Variants in KLHL1 observed in about 807,000 individuals in gnomAD.
The protein encoded by KLHL1 is kelch like family member 1, also known as kelch-like protein 1.
In KLHL1, 47 loss-of-function variants were observed where a neutral mutation model predicts 77.7. The ratio of observed to expected loss-of-function variants is 0.60; its 90% CI spans 0.48 to 0.77. The LOEUF is 0.77. Ranked by LOEUF, KLHL1 falls within the 30% of genes least tolerant of loss-of-function variation. The pLI is 0.00. For synonymous variants in KLHL1, 360 were observed against 325.2 expected (o/e 1.11, Z -1.15); for missense variants, 925 against 910.8 (o/e 1.02, Z -0.20).
intron 1 of KLHL1, among the ~76,000 whole-genome samples, chr13:70,060,568 G>A (rs976474112): frequency 2.6e-5 from 4 of 151,730 alleles, no homozygotes; most frequent in South Asian, 4.2e-4. Context: ...ATATAGGCCA[G>A]GTGCATGGCT....
intron 5 of KLHL1, among the ~76,000 whole-genome samples, chr13:69,862,075 C>T (rs1374821805): frequency 6.6e-6 from 1 of 151,704 alleles, no homozygotes; most frequent in East Asian, 1.9e-4. Context: ...TTTAGTTTTA[C>T]AAAGTACAAA....
At chr13:69,776,961 G>T (rs1360496530) in intron 7 of KLHL1, among the ~76,000 whole-genome samples, 4 of 151,934 alleles carry the variant, frequency 2.6e-5, no homozygotes, top group Non-Finnish European at 1.5e-5. Flanking sequence ...ATATAGTTTG[G>T]CTATGTCCCC....
At chr13:69,912,399 T>C (rs1206839210) in intron 4 of KLHL1, among the ~76,000 whole-genome samples, 3 of 152,014 alleles carry the variant, frequency 2.0e-5, no homozygotes, top group Non-Finnish European at 4.4e-5. Flanking sequence ...CAGAAAAAAA[T>C]TGTATTGTAT....
chr13:69,921,959 C>T (rs1375289879), intron 4 of KLHL1, among the ~76,000 whole-genome samples: 1 of 137,532 alleles, frequency 7.3e-6, no homozygotes, highest in Non-Finnish European at 1.5e-5. Flanking sequence ...GAGATGGTCT[C>T]ACTCTGTCAC....
intron 1 of KLHL1, among the ~76,000 whole-genome samples, chr13:70,016,923 G>A (rs1195141964): frequency 1.3e-5 from 2 of 152,088 alleles, no homozygotes; most frequent in Non-Finnish European, 2.9e-5. Context: ...AGACTCAGCT[G>A]GACTCACACA....
chr13:69,787,891 A>C (rs528024509), intron 7 of KLHL1, among the ~76,000 whole-genome samples: 58 of 152,356 alleles, frequency 3.8e-4, no homozygotes, highest in Admixed American at 1.6e-3. Flanking sequence ...ATGCAGCCAA[A>C]AAACACATGA....
At chr13:70,011,990 G>A (rs1885544445) in intron 1 of KLHL1, among the ~76,000 whole-genome samples, 1 of 152,142 alleles carries the variant, frequency 6.6e-6, no homozygotes, top group South Asian at 2.1e-4. Context: ...CAAAGAGAGA[G>A]AGCTTAATAA....
At chr13:69,703,178 G>T (rs1875474768) in intron 10 of KLHL1, among the ~76,000 whole-genome samples, 1 of 151,546 alleles carries the variant, frequency 6.6e-6, no homozygotes. Flanking sequence ...ATACAATGGT[G>T]GTCCCATAAG....
intron 4 of KLHL1, among the ~76,000 whole-genome samples, chr13:69,898,436 C>G (rs1881725175): frequency 6.6e-6 from 1 of 152,064 alleles, no homozygotes; most frequent in South Asian, 2.1e-4. Context: ...CTGTGTGGTG[C>G]ACAGGTGACA....
intron 5 of KLHL1, among the ~76,000 whole-genome samples, chr13:69,844,925 T>C (rs898136072): frequency 4.6e-5 from 7 of 151,582 alleles, no homozygotes; most frequent in Non-Finnish European, 1.0e-4. Flanking sequence ...TGTCAATTTA[T>C]GGTGAAAACT....
At chr13:70,016,198 A>T (rs1331804160) in intron 1 of KLHL1, among the ~76,000 whole-genome samples, 1 of 152,246 alleles carries the variant, frequency 6.6e-6, no homozygotes, top group Non-Finnish European at 1.5e-5. Context: ...ATAGTTCTCC[A>T]ATTTAACCTA....
chr13:69,738,220 C>T (rs1873844065), intron 8 of KLHL1, among the ~76,000 whole-genome samples: 1 of 152,050 alleles, frequency 6.6e-6, no homozygotes, highest in Non-Finnish European at 1.5e-5. Context: ...GAAAAAGACC[C>T]CATAAAAACC....
At chr13:69,982,846 C>T (rs1314694160) in intron 1 of KLHL1, among the ~76,000 whole-genome samples, 2 of 151,936 alleles carry the variant, frequency 1.3e-5, no homozygotes, top group African/African-American at 2.4e-5. Context: ...TAAAAGTTTT[C>T]ATATGGGAAA....
intron 1 of KLHL1, among the ~76,000 whole-genome samples, chr13:69,985,193 C>G (rs746193759): frequency 6.6e-6 from 1 of 151,868 alleles, no homozygotes; most frequent in Non-Finnish European, 1.5e-5. Context: ...GACAGCTTAC[C>G]GTGTGGGAGA....
chr13:69,880,183 T>C (rs1043769464), intron 5 of KLHL1, among the ~76,000 whole-genome samples: 2 of 152,170 alleles, frequency 1.3e-5, no homozygotes, highest in South Asian at 2.1e-4. Context: ...ACTTAACCTC[T>C]TTGAGCCTAA....
intron 7 of KLHL1, among the ~76,000 whole-genome samples, chr13:69,774,262 CA>C (rs1447628415): frequency 6.6e-6 from 1 of 151,706 alleles, no homozygotes; most frequent in Non-Finnish European, 1.5e-5. Context: ...GAAATTGTTT[CA>C]AAAGGTTTTA....
At chr13:70,058,938 G>A (rs1023783550) in intron 1 of KLHL1, among the ~76,000 whole-genome samples, 3 of 151,996 alleles carry the variant, frequency 2.0e-5, no homozygotes, top group Non-Finnish European at 4.4e-5. Flanking sequence ...ATTATCAAAG[G>A]TGCCGATAAT....
chr13:70,058,301 A>T (rs748939892), intron 1 of KLHL1, among the ~76,000 whole-genome samples: 19 of 152,360 alleles, frequency 1.2e-4, no homozygotes, highest in South Asian at 4.1e-4. Context: ...CCTTGTTTGC[A>T]GATAATATGA....
chr13:70,105,626 T>C (rs1242503628), intron 1 of KLHL1, among the ~76,000 whole-genome samples: 3 of 151,324 alleles, frequency 2.0e-5, no homozygotes, highest in Non-Finnish European at 4.4e-5. Context: ...GCTTAATGTT[T>C]CTGGATAATT....
Sources: allele counts gnomAD v4.1 joint callset (sites outside exome capture counted in the v4.1 genomes callset), GRCh38; gene constraint gnomAD v4.1.1; transcripts MANE v1.5; gene names NCBI Gene and HGNC (gene_info 2026-07-23, HGNC 2026-07-21).